Variants in SLC4A4 observed in about 807,000 individuals in gnomAD.
The protein encoded by SLC4A4 is electrogenic sodium bicarbonate cotransporter 1.
A neutral mutation model predicts 111.5 loss-of-function variants in SLC4A4; 27 were observed. The observed-to-expected ratio is 0.24, with a 90% CI of 0.18 to 0.33. The LOEUF is 0.33. Ranked by LOEUF, SLC4A4 falls within the 10% of genes least tolerant of loss-of-function variation. The pLI is 1.00. For missense variants in SLC4A4, 909 were observed against 1,315.5 expected, an observed-to-expected ratio of 0.69 and a Z score of 4.78; for synonymous variants, 443 against 463.4, an observed-to-expected ratio of 0.96 and a Z score of 0.57.
chr4:71,173,323 A>G (rs1254762865), intron 2 of SLC4A4, among the ~76,000 whole-genome samples: 1 of 152,210 alleles, frequency 6.6e-6, no homozygotes, highest in Non-Finnish European at 1.5e-5. Flanking sequence ...AGAGAAGTAG[A>G]TGTAATTTAG....
intron 6 of SLC4A4, among the ~76,000 whole-genome samples, chr4:71,392,639 T>C (rs940664748): frequency 1.3e-5 from 2 of 151,970 alleles, no homozygotes; most frequent in Admixed American, 6.6e-5. Flanking sequence ...TTCCACAAGA[T>C]AGAGAAAGAA....
At chr4:71,510,236 A>G (rs1320711056) in intron 16 of SLC4A4, among the ~76,000 whole-genome samples, 1 of 152,166 alleles carries the variant, frequency 6.6e-6, no homozygotes, top group Non-Finnish European at 1.5e-5. Context: ...CAGCAAGAAG[A>G]TAGTGTGACG....
At chr4:71,415,330 TG>T (rs1341161207) in intron 7 of SLC4A4, among the ~76,000 whole-genome samples, 1 of 152,222 alleles carries the variant, frequency 6.6e-6, no homozygotes, top group Non-Finnish European at 1.5e-5. Flanking sequence ...ATTTTATTTT[TG>T]TCAGTCACCT....
intron 2 of SLC4A4, among the ~76,000 whole-genome samples, chr4:71,157,058 T>C (rs17689531): frequency 0.073 from 11,159 of 152,252 alleles, 588 homozygotes; most frequent in Middle Eastern, 0.14. Flanking sequence ...GGATTACTCA[T>C]AGATTGTTTA....
At chr4:71,521,698 G>C (rs1261962430) in intron 16 of SLC4A4, among the ~76,000 whole-genome samples, 1 of 152,202 alleles carries the variant, frequency 6.6e-6, no homozygotes, top group Non-Finnish European at 1.5e-5. Flanking sequence ...CAGACAGTGA[G>C]ACTGGGGAGC....
chr4:71,129,299 G>T (rs1369522538), intron 2 of SLC4A4, among the ~76,000 whole-genome samples: 1 of 152,008 alleles, frequency 6.6e-6, no homozygotes, highest in Non-Finnish European at 1.5e-5. Flanking sequence ...TAAAAAGTGG[G>T]CAAAAGTCAC....
At chr4:71,255,504 C>A (rs1271603856) in intron 3 of SLC4A4, 105 bp downstream of exon 3, 2 of 1,134,930 alleles carry the variant, frequency 1.8e-6, no homozygotes, top group African/African-American at 1.5e-5. Flanking sequence ...CACTGTAATA[C>A]TGAGATGTTT....
chr4:71,570,865 T>G lies in SLC4A4; in HGVS notation c.*3114T>G. On this transcript the variant is annotated 3_prime_UTR_variant, in exon 26 of 26. Coordinates refer to ENST00000264485, the MANE Select transcript of SLC4A4 (RefSeq NM_001098484.3). ...TACTTGGAATTCTAATTGTTTTGTGTGCCAGGGGCAGTAATGTCCCTGCCT... is the reference window on the plus strand; with the variant it reads ...TACTTGGAATTCTAATTGTTTTGTGGGCCAGGGGCAGTAATGTCCCTGCCT... The G allele has an allele frequency of 6.6e-6, 1 of 151,958 alleles. No individual in the cohort carries two copies. The highest frequency in any genetic ancestry group is 2.1e-4 in the South Asian group (1 of 4,820). The allele number at this position is 151,958 out of a possible 1,614,324, so 9.4% of individuals were successfully genotyped here. A position where few individuals can be genotyped will look rare whatever the true frequency, so the allele number is the denominator to read the frequency against.
intron 14 of SLC4A4, among the ~76,000 whole-genome samples, chr4:71,482,691 A>ATTGTAATT (rs1728992511): frequency 6.6e-6 from 1 of 151,694 alleles, no homozygotes; most frequent in Non-Finnish European, 1.5e-5. Context: ...TCCAAATAGT[A>ATTGTAATT]TCTGTAATTT....
At chr4:71,243,049 T>A (rs890520039) in intron 2 of SLC4A4, among the ~76,000 whole-genome samples, 11 of 152,154 alleles carry the variant, frequency 7.2e-5, no homozygotes, top group East Asian at 1.9e-4. Flanking sequence ...TTTGTTAAAT[T>A]GTCTTTTTTT....
At chr4:71,078,005 A>C (rs1741891240) in intron 1 of SLC4A4, among the ~76,000 whole-genome samples, 1 of 152,196 alleles carries the variant, frequency 6.6e-6, no homozygotes, top group Non-Finnish European at 1.5e-5. Flanking sequence ...CAGATAGGGT[A>C]GGTCTTCTTT....
Position 71,376,154 on chromosome 4 carries a change from TATACACACACAC to T in SLC4A4, c.730+18969_730+18980del, listed in dbSNP as rs1198944134. On this transcript the variant is annotated intron_variant, in intron 6 of 25. Transcript: ENST00000264485. Reference sequence around the variant, plus strand: ...ATACATACACATATATACCTGTATATATACACACACACACACACACACACACACACACACACA... The same window carrying T: ...ATACATACACATATATACCTGTATATACACACACACACACACACACACACA... 2.1e-3 allele frequency among the ~76,000 whole-genome samples: 113 copies of T among 55,062 alleles called. 1 individual carries two copies. The highest frequency in any genetic ancestry group is 7.1e-3 in the African/African-American group (102 of 14,420). 36.1% of individuals were successfully genotyped at this position (55,062 alleles called of 152,430 possible).
At chr4:71,144,452 A>T (rs980736235) in intron 2 of SLC4A4, among the ~76,000 whole-genome samples, 5 of 152,064 alleles carry the variant, frequency 3.3e-5, no homozygotes, top group Non-Finnish European at 7.4e-5. Context: ...TTCCTTATGA[A>T]CTTTAAAGTA....
intron 2 of SLC4A4, among the ~76,000 whole-genome samples, chr4:71,100,457 A>T (rs2148945744): frequency 6.6e-6 from 1 of 152,304 alleles, no homozygotes; most frequent in South Asian, 2.1e-4. Context: ...TAAAAATAAT[A>T]AGAGCCATAT....
chr4:71,261,896 C>T (rs1489010864), intron 3 of SLC4A4, among the ~76,000 whole-genome samples: 1 of 152,076 alleles, frequency 6.6e-6, no homozygotes, highest in African/African-American at 2.4e-5. Context: ...GTGTACTCCA[C>T]GTGCTGGGGT....
chr4:71,097,790 T>C (rs1742601666), intron 2 of SLC4A4, among the ~76,000 whole-genome samples: 1 of 152,202 alleles, frequency 6.6e-6, no homozygotes, highest in Admixed American at 6.5e-5. Flanking sequence ...CATAGAGCTT[T>C]TTTTCATAGG....
intron 2 of SLC4A4, among the ~76,000 whole-genome samples, chr4:71,115,976 C>T (rs1743233261): frequency 1.3e-5 from 2 of 152,212 alleles, no homozygotes; most frequent in African/African-American, 4.8e-5. Flanking sequence ...CTCACTGCAA[C>T]ATCCACCTCC....
chr4:71,550,998 G>C (rs1735942087), intron 20 of SLC4A4, among the ~76,000 whole-genome samples: 1 of 151,806 alleles, frequency 6.6e-6, no homozygotes, highest in Admixed American at 6.6e-5. Context: ...CTGAACTGTT[G>C]GGAAGCAAGA....
chr4:71,191,251 C>G (rs1425978690), intron 1 of SLC4A4, among the ~76,000 whole-genome samples: 1 of 152,142 alleles, frequency 6.6e-6, no homozygotes, highest in African/African-American at 2.4e-5. Flanking sequence ...CATTTAGGAG[C>G]CTCTGTACTG....
Sources: gnomAD v4.1 joint callset for allele counts (sites outside exome capture counted in the v4.1 genomes callset) on GRCh38, gnomAD v4.1.1 for gene constraint, MANE v1.5 for transcripts, NCBI Gene and HGNC (gene_info 2026-07-23, HGNC 2026-07-21) for gene names.